ISX: variants seen among roughly 807,000 people sequenced by gnomAD.
ISX encodes intestine specific homeobox, also known as intestine-specific homeobox.
Under a neutral mutation model 16.9 loss-of-function variants are expected in ISX, and 15 were observed. That is an observed-to-expected ratio of 0.89 (90% CI 0.59 to 1.36). The LOEUF (loss-of-function observed/expected upper bound fraction) is 1.36, where lower values mean the gene tolerates loss of function less well. Ranked by LOEUF, ISX falls within the 40% of genes most tolerant of loss-of-function variation. The pLI is 0.00. For missense variants in ISX, 316 were observed against 306.1 expected (o/e 1.03, Z -0.24); for synonymous variants, 125 against 119.7 (o/e 1.04, Z -0.29).
chr22:35,086,871 T>G lies in ISX; in HGVS notation c.*1178T>G, dbSNP rs570936635. ...GTCCTTGCAGGTGGAGGACAGGGCCTGCTCCCCTAAGCTGGGAAGCCTGGA... is the reference window on the plus strand; with the variant it reads ...GTCCTTGCAGGTGGAGGACAGGGCCGGCTCCCCTAAGCTGGGAAGCCTGGA... On this transcript the variant is annotated 3_prime_UTR_variant, in exon 5 of 5. Coordinates refer to ENST00000404699, the MANE Select transcript of ISX (RefSeq NM_001303508.2). 6.6e-6 allele frequency: 1 copy of G among 152,372 alleles called. No individual in the cohort carries two copies. The highest frequency in any genetic ancestry group is 1.5e-5 in the Non-Finnish European group (1 of 68,054). The allele number at this position is 152,372 out of a possible 1,614,324, so 9.4% of individuals were successfully genotyped here.
intron 2 of ISX, among the ~76,000 whole-genome samples, chr22:35,078,607 C>T (rs962386809): frequency 1.8e-4 from 27 of 151,332 alleles, no homozygotes; most frequent in African/African-American, 6.1e-4. Flanking sequence ...TTCAAAGCCT[C>T]ACTGCCTGCG....
At position 35,066,808 on chromosome 22, in the gene ISX, C is replaced by G. The variant is rs1928710151; in HGVS notation, c.-280C>G. 1 of 398,734 alleles carries G rather than the reference C, an allele frequency of 2.5e-6. No homozygotes were observed. Among genetic ancestry groups the G allele is most frequent in the African/African-American group, 2.0e-5 (1 of 49,994 alleles). The allele number at this position is 398,734 out of a possible 1,614,324, so 24.7% of individuals were successfully genotyped here. On this transcript the variant is annotated 5_prime_UTR_variant, in exon 2 of 5. Transcript: ENST00000404699. ...CAACTGTGTCCGAGAAGACCCTTCT[C>G]TGGAAGATTGAACCCCAATTCAGCC... is the stretch of plus-strand genomic sequence containing the variant.
chr22:35,084,756 G>T (rs975353875), intron 4 of ISX, among the ~76,000 whole-genome samples: 1 of 151,216 alleles, frequency 6.6e-6, no homozygotes, highest in African/African-American at 2.4e-5. Context: ...AAACTTCTCA[G>T]TTTACAAAAC....
chr22:35,085,538 G>C lies in ISX; in HGVS notation c.583G>C (p.Ala195Pro). ...ATCGGCTCAAGATCAGCTGGCCTCT[G>C]CCTGGTTCCCTGCCTGGATCACCCT... The part of the protein sequence containing the change: ...CPSAQDQLAS[A>P]WFPAWITLLP... The change falls in exon 5 of 5, where the codon GCC (alanine) becomes CCC (proline). Residue 195 changes from alanine to proline, a missense_variant. By Grantham distance (27) the Ala-to-Pro change is conservative (BLOSUM62 -1). Coordinates refer to ENST00000404699, the MANE Select transcript of ISX (RefSeq NM_001303508.2). 6.2e-7 allele frequency: 1 copy of C among 1,614,220 alleles called. No homozygotes were observed. The highest frequency in any genetic ancestry group is 8.5e-7 in the Non-Finnish European group (1 of 1,180,044).
At chr22:35,070,672 G>A (rs2097420) in intron 2 of ISX, among the ~76,000 whole-genome samples, 69,614 of 151,976 alleles carry the variant, frequency 0.46, 16,158 homozygotes, top group African/African-American at 0.5. Context: ...GGAGGTGAAG[G>A]TGAATAAAAC....
chr22:35,070,944 A>AT (rs199742317), intron 2 of ISX, among the ~76,000 whole-genome samples: 1,688 of 152,366 alleles, frequency 0.011, 10 homozygotes, highest in Non-Finnish European at 0.019. Context: ...ATCTGTAGAC[A>AT]ATGTGTAAAT....
At chr22:35,078,523 A>T (rs560848705) in intron 2 of ISX, among the ~76,000 whole-genome samples, 1 of 152,288 alleles carries the variant, frequency 6.6e-6, no homozygotes, top group East Asian at 1.9e-4. Flanking sequence ...GGGGGTAGAG[A>T]AGGAGAGGCA....
chr22:35,076,061 G>C (rs1217943737), intron 2 of ISX, among the ~76,000 whole-genome samples: 1 of 151,296 alleles, frequency 6.6e-6, no homozygotes, highest in Admixed American at 6.6e-5. Flanking sequence ...AAATATGGAA[G>C]CCAGTTTGTT....
At chr22:35,085,305 T>A (rs1045388402) in intron 4 of ISX, 149 bp from the exon 5 acceptor site, 2 of 941,670 alleles carry the variant, frequency 2.1e-6, no homozygotes, top group Admixed American at 2.0e-5. Flanking sequence ...CACAGGACTT[T>A]CAGAGCTAAA....
At chr22:35,077,612 T>C (rs1222256673) in intron 2 of ISX, among the ~76,000 whole-genome samples, 1 of 40,832 alleles carries the variant, frequency 2.4e-5, no homozygotes, top group East Asian at 2.8e-4. Context: ...AAGCACAACA[T>C]CATCATCATC....
intron 2 of ISX, among the ~76,000 whole-genome samples, chr22:35,073,756 T>A (rs1489552753): frequency 6.6e-6 from 1 of 152,204 alleles, no homozygotes; most frequent in Non-Finnish European, 1.5e-5. Flanking sequence ...ATAGGTGATG[T>A]CCAAGGATAC....
chr22:35,079,486 A>C (rs1929071310), intron 2 of ISX, among the ~76,000 whole-genome samples: 1 of 152,168 alleles, frequency 6.6e-6, no homozygotes, highest in Non-Finnish European at 1.5e-5. Context: ...CTGGTCTCAG[A>C]TACAGTCAGT....
At chr22:35,073,111 A>T (rs187403805) in intron 2 of ISX, among the ~76,000 whole-genome samples, 8 of 152,358 alleles carry the variant, frequency 5.3e-5, no homozygotes, top group Admixed American at 3.9e-4. Context: ...GCCAAGTGGA[A>T]GCAGCTTCCT....
At position 35,066,905 on chromosome 22, in the gene ISX, T is replaced by C. The variant is rs1928712797; in HGVS notation, c.-183T>C. The C allele has an allele frequency of 1.7e-6, 1 of 587,346 alleles. No individual in the cohort carries two copies. Among genetic ancestry groups the C allele is most frequent in the African/African-American group, 1.9e-5 (1 of 53,770 alleles). 36.4% of individuals were successfully genotyped at this position (587,346 alleles called of 1,614,324 possible). ...ACAGGATACCACTCCTTCCAGCTCT[T>C]CTGCTGTGACCTGCCCATGGAAGTC... is the stretch of plus-strand genomic sequence containing the variant. On this transcript the variant is annotated 5_prime_UTR_variant, in exon 2 of 5. Transcript: ENST00000404699.
At position 35,086,782 on chromosome 22, in the gene ISX, T is replaced by C. The variant is rs1469624011; in HGVS notation, c.*1089T>C. 2.0e-5 allele frequency: 3 copies of C among 152,178 alleles called. No individual in the cohort carries two copies. Among genetic ancestry groups the C allele is most frequent in the Non-Finnish European group, 4.4e-5 (3 of 68,036 alleles). 9.4% of individuals were successfully genotyped at this position (152,178 alleles called of 1,614,324 possible). A position where few individuals can be genotyped will look rare whatever the true frequency, so the allele number is the denominator to read the frequency against. The stretch of plus-strand genomic sequence containing the variant: ...GCTTTGGATGCCAGCCCAGGATGAG[T>C]AGTTCCTGTTCTCAGGGAGGTCATC... On this transcript the variant is annotated 3_prime_UTR_variant, in exon 5 of 5. Coordinates refer to ENST00000404699, the MANE Select transcript of ISX (RefSeq NM_001303508.2).
intron 2 of ISX, among the ~76,000 whole-genome samples, chr22:35,081,271 T>C (rs1929118101): frequency 6.6e-6 from 1 of 152,180 alleles, no homozygotes. Context: ...TGATGTGTTA[T>C]GGATATGGTA....
At position 35,067,225 on chromosome 22, in the gene ISX, G is replaced by C. The variant is rs535302186; in HGVS notation, c.138G>C (p.Met46Ile). The change falls in exon 2 of 5, where the codon ATG becomes ATC. Residue 46 changes from methionine (M) to isoleucine (I), a missense_variant. By Grantham distance (10) the Met-to-Ile change is conservative. Coordinates refer to ENST00000404699, the MANE Select transcript of ISX (RefSeq NM_001303508.2). Reference sequence around the variant, plus strand: ...AGAGGCCTGCCAGGAGGAGTGATATGGACAGACCAGAAGGGCCAGGTGAAG... The same window carrying C: ...AGAGGCCTGCCAGGAGGAGTGATATCGACAGACCAGAAGGGCCAGGTGAAG... ...ILKRPARRSD[M>I]DRPEGPGEEG... 4 of 1,609,630 alleles carry C rather than the reference G, an allele frequency of 2.5e-6. No homozygotes were observed. Among genetic ancestry groups the C allele is most frequent in the Admixed American group, 1.7e-5 (1 of 59,506 alleles).
Position 35,085,657 on chromosome 22 carries a change from C to G in ISX, c.702C>G (p.His234Gln). Residue 234 changes from histidine (H) to glutamine (Q), a missense_variant, in exon 5 of 5, where the codon CAC (histidine) becomes CAG (glutamine). Transcript: ENST00000404699. Reference sequence around the variant, plus strand: ...TGCTATGCATCCTTCCACCTCCACACCCCAAATGGGGCAGCATCTGTGCTA... The same window carrying G: ...TGCTATGCATCCTTCCACCTCCACAGCCCAAATGGGGCAGCATCTGTGCTA... ...IPVLCILPPPHPKWGSICATS... is the reference protein window; with the variant it reads ...IPVLCILPPPQPKWGSICATS... 1 of 1,614,218 alleles carries G rather than the reference C, an allele frequency of 6.2e-7. No homozygotes were observed. Among genetic ancestry groups the G allele is most frequent in the South Asian group, 1.1e-5 (1 of 91,086 alleles).
chr22:35,077,714 G>A (rs1017842196), intron 2 of ISX, among the ~76,000 whole-genome samples: 3 of 152,024 alleles, frequency 2.0e-5, no homozygotes, highest in African/African-American at 7.3e-5. Flanking sequence ...TTTCTCACCA[G>A]GCTATGACTT....
Sources: gnomAD v4.1 joint callset for allele counts (sites outside exome capture counted in the v4.1 genomes callset) on GRCh38, gnomAD v4.1.1 for gene constraint, MANE v1.5 for transcripts, NCBI Gene and HGNC (gene_info 2026-07-23, HGNC 2026-07-21) for gene names.